Variants in MRTFA observed in about 807,000 individuals in gnomAD.
MRTFA encodes the protein myocardin related transcription factor A, also known as myocardin-related transcription factor A.
MRTFA carries 20 observed loss-of-function variants against 83.5 expected under a neutral mutation model. That is an observed-to-expected ratio of 0.24 (90% CI 0.17 to 0.35). The LOEUF is 0.35. Among genes scored for constraint, MRTFA ranks in the 10% least tolerant of loss-of-function variants. The pLI is 1.00. For synonymous variants in MRTFA, 659 were observed against 541.2 expected (o/e 1.22, Z -3.02); for missense variants, 1,200 against 1,224.7 (o/e 0.98, Z 0.30).
intron 4 of MRTFA, among the ~76,000 whole-genome samples, chr22:40,442,806 A>C (rs2053302186): frequency 6.6e-6 from 1 of 152,208 alleles, no homozygotes; most frequent in Non-Finnish European, 1.5e-5. Flanking sequence ...GTGGGGAGAT[A>C]GCTGAGGCTA....
chr22:40,541,490 A>C (rs757518082), intron 3 of MRTFA, among the ~76,000 whole-genome samples: 1 of 152,068 alleles, frequency 6.6e-6, no homozygotes, highest in Non-Finnish European at 1.5e-5. Context: ...AGATAACATA[A>C]CCCAGCATGC....
intron 2 of MRTFA, among the ~76,000 whole-genome samples, chr22:40,566,796 G>A (rs2055710807): frequency 6.6e-6 from 1 of 152,152 alleles, no homozygotes; most frequent in South Asian, 2.1e-4. Flanking sequence ...TCACACCACT[G>A]CACCCTCGCT....
At chr22:40,609,088 C>A (rs1383417102) in intron 1 of MRTFA, among the ~76,000 whole-genome samples, 2 of 151,852 alleles carry the variant, frequency 1.3e-5, no homozygotes, top group African/African-American at 4.8e-5. Flanking sequence ...GTCAGGAGAT[C>A]GAGACCATCC....
chr22:40,452,210 T>C (rs2053505692), intron 4 of MRTFA, among the ~76,000 whole-genome samples: 1 of 152,096 alleles, frequency 6.6e-6, no homozygotes, highest in South Asian at 2.1e-4. Flanking sequence ...GGTCTTGATC[T>C]GTTGACCTCG....
chr22:40,621,771 T>C (rs952319959), intron 1 of MRTFA, among the ~76,000 whole-genome samples: 13 of 151,922 alleles, frequency 8.6e-5, no homozygotes, highest in Non-Finnish European at 1.6e-4. Context: ...ACTCACAGGC[T>C]TTGAAACATA....
intron 3 of MRTFA, among the ~76,000 whole-genome samples, chr22:40,478,814 C>G (rs1050522383): frequency 6.6e-6 from 1 of 152,080 alleles, no homozygotes; most frequent in Non-Finnish European, 1.5e-5. Context: ...TGCTGTACAC[C>G]GAACCACACA....
chr22:40,496,026 A>G (rs2054349045), intron 3 of MRTFA, among the ~76,000 whole-genome samples: 1 of 151,784 alleles, frequency 6.6e-6, no homozygotes, highest in Admixed American at 6.6e-5. Flanking sequence ...AGATTGCACC[A>G]CTGCACTCCA....
intron 3 of MRTFA, among the ~76,000 whole-genome samples, chr22:40,486,936 G>A (rs1182219761): frequency 1.3e-5 from 2 of 152,206 alleles, no homozygotes; most frequent in Non-Finnish European, 2.9e-5. Context: ...TTGCATCACT[G>A]CAATCCAGCC....
chr22:40,594,190 G>A (rs1039223026), intron 2 of MRTFA, among the ~76,000 whole-genome samples: 1 of 152,190 alleles, frequency 6.6e-6, no homozygotes, highest in Admixed American at 6.5e-5. Context: ...AAAATTTACA[G>A]TTGCCAGTAA....
At chr22:40,577,424 A>T (rs1484022509) in intron 2 of MRTFA, among the ~76,000 whole-genome samples, 1 of 148,992 alleles carries the variant, frequency 6.7e-6, no homozygotes, top group Non-Finnish European at 1.5e-5. Context: ...ATTTTACTTG[A>T]TAATAATCAA....
chr22:40,422,283 G>A (rs2052857543), intron 9 of MRTFA, among the ~76,000 whole-genome samples: 1 of 152,228 alleles, frequency 6.6e-6, no homozygotes, highest in South Asian at 2.1e-4. Flanking sequence ...TGGTGGGGAT[G>A]GGACTTGGAT....
chr22:40,477,372 A>T (rs987286696), intron 3 of MRTFA, among the ~76,000 whole-genome samples: 11 of 151,688 alleles, frequency 7.3e-5, no homozygotes, highest in Non-Finnish European at 1.5e-4. Flanking sequence ...ATAATAATAA[A>T]AAAAAGAAAT....
At chr22:40,468,901 T>G (rs2053854973) in intron 3 of MRTFA, among the ~76,000 whole-genome samples, 1 of 152,156 alleles carries the variant, frequency 6.6e-6, no homozygotes, top group South Asian at 2.1e-4. Context: ...TGGAGCCAAG[T>G]TTGAATGCAT....
intron 1 of MRTFA, among the ~76,000 whole-genome samples, chr22:40,617,521 T>C (rs2056466556): frequency 6.6e-6 from 1 of 151,638 alleles, no homozygotes; most frequent in Admixed American, 6.6e-5. Flanking sequence ...GGTCAGGAGA[T>C]CGAGACCATC....
At chr22:40,458,388 C>G (rs1368660841) in intron 4 of MRTFA, among the ~76,000 whole-genome samples, 1 of 152,132 alleles carries the variant, frequency 6.6e-6, no homozygotes, top group Non-Finnish European at 1.5e-5. Context: ...GCATATCAAG[C>G]AGTACAGAGA....
intron 4 of MRTFA, among the ~76,000 whole-genome samples, chr22:40,441,620 C>A (rs5757952): frequency 6.6e-6 from 1 of 152,134 alleles, no homozygotes; most frequent in South Asian, 2.1e-4. Flanking sequence ...CCACCCCCCA[C>A]TACTAAAAAT....
intron 3 of MRTFA, among the ~76,000 whole-genome samples, chr22:40,474,166 GTGC>G (rs1472244231): frequency 6.6e-6 from 1 of 152,206 alleles, no homozygotes; most frequent in African/African-American, 2.4e-5. Flanking sequence ...GTTAGGTCCT[GTGC>G]TAGGTACTAG....
At chr22:40,503,316 A>G (rs1290439215) in intron 3 of MRTFA, among the ~76,000 whole-genome samples, 1 of 152,192 alleles carries the variant, frequency 6.6e-6, no homozygotes, top group Non-Finnish European at 1.5e-5. Flanking sequence ...TGTCAACAAA[A>G]TCAGAAATGT....
intron 1 of MRTFA, among the ~76,000 whole-genome samples, chr22:40,608,054 T>C (rs2056339335): frequency 6.6e-6 from 1 of 152,172 alleles, no homozygotes; most frequent in African/African-American, 2.4e-5. Flanking sequence ...AGACGGAATC[T>C]CACTCTGTCG....
Sources: gnomAD v4.1 joint callset for allele counts (sites outside exome capture counted in the v4.1 genomes callset) on GRCh38, gnomAD v4.1.1 for gene constraint, MANE v1.5 for transcripts, NCBI Gene and HGNC (gene_info 2026-07-23, HGNC 2026-07-21) for gene names.